Variants in GLI3 observed in about 807,000 individuals in gnomAD.
GLI3 encodes transcription activator GLI3.
GLI3 carries 20 observed loss-of-function variants against 100.8 expected under a neutral mutation model. The observed-to-expected ratio is 0.20, with a 90% CI of 0.14 to 0.29. The LOEUF is 0.29. Ranked by LOEUF, GLI3 falls within the 10% of genes least tolerant of loss-of-function variation. The pLI is 1.00. For missense variants in GLI3, 2,040 were observed against 2,128.5 expected, an observed-to-expected ratio of 0.96 and a Z score of 0.82; for synonymous variants, 938 against 860.5, an observed-to-expected ratio of 1.09 and a Z score of -1.58.
chr7:42,078,412 G>C (rs141857711), intron 3 of GLI3, among the ~76,000 whole-genome samples: 2 of 152,244 alleles, frequency 1.3e-5, no homozygotes, highest in East Asian at 3.9e-4. Flanking sequence ...AATCCAGTAA[G>C]AGTAAAAAAA....
At chr7:42,116,485 AAG>A (rs1785859546) in intron 3 of GLI3, among the ~76,000 whole-genome samples, 2 of 147,892 alleles carry the variant, frequency 1.4e-5, no homozygotes, top group African/African-American at 5.3e-5. Flanking sequence ...GATCTGCAAA[AAG>A]AAAAAAAAAA....
chr7:42,113,779 A>C (rs909290599), intron 3 of GLI3, among the ~76,000 whole-genome samples: 28 of 152,358 alleles, frequency 1.8e-4, no homozygotes, highest in African/African-American at 6.7e-4. Context: ...AGGACAGGAT[A>C]TATGTCCCTA....
At chr7:42,249,077 A>C (rs1363322373) in intron 1 of GLI3, among the ~76,000 whole-genome samples, 2 of 152,132 alleles carry the variant, frequency 1.3e-5, no homozygotes. Flanking sequence ...ATTTTAAGGG[A>C]CAAAAAAATT....
intron 10 of GLI3, among the ~76,000 whole-genome samples, chr7:42,000,120 G>A (rs1261340480): frequency 2.0e-5 from 3 of 152,150 alleles, no homozygotes; most frequent in African/African-American, 4.8e-5. Flanking sequence ...GAAGCACGGC[G>A]GGAACTTTCT....
rs116718819 is a variant in GLI3, at chr7:42,121,301, C to T, written c.367+26925G>A. ...CCCAAGAGTTTCTGATTCAGTAAGA[C>T]AGAGAAGGTGCACAAGAAGTGCCAT... is the stretch of plus-strand genomic sequence containing the variant. On this transcript the variant is annotated intron_variant, in intron 3 of 14. Transcript: ENST00000395925. 5.6e-3 allele frequency among the ~76,000 whole-genome samples: 854 copies of T among 152,306 alleles called. 4 individuals are homozygous for T. The highest frequency in any genetic ancestry group is 0.02 in the African/African-American group (812 of 41,560).
At chr7:42,191,711 G>A (rs1040766385) in intron 2 of GLI3, among the ~76,000 whole-genome samples, 3 of 151,804 alleles carry the variant, frequency 2.0e-5, no homozygotes, top group African/African-American at 7.3e-5. Context: ...CAGAAACAGT[G>A]TTAAGCCCTT....
chr7:42,026,175 G>A, intron 8 of GLI3, 24 bp downstream of exon 8: 1 of 1,567,132 alleles, frequency 6.4e-7, no homozygotes, highest in Non-Finnish European at 8.8e-7. Flanking sequence ...AGCACGGCCG[G>A]GTGCATCGAC....
chr7:42,169,606 C>T (rs1787319884), intron 2 of GLI3, among the ~76,000 whole-genome samples: 4 of 152,130 alleles, frequency 2.6e-5, no homozygotes, highest in South Asian at 2.1e-4. Flanking sequence ...CCTCCCCTTG[C>T]TGGGTACATA....
chr7:41,990,045 AAGGT>A (rs1787939774), intron 10 of GLI3, among the ~76,000 whole-genome samples: 1 of 150,916 alleles, frequency 6.6e-6, no homozygotes, highest in South Asian at 2.1e-4. Context: ...AAAACTTTGA[AAGGT>A]AGGACGAATA....
At chr7:42,213,910 G>C (rs199643748) in intron 2 of GLI3, among the ~76,000 whole-genome samples, 2 of 152,254 alleles carry the variant, frequency 1.3e-5, no homozygotes, top group Admixed American at 1.3e-4. Context: ...GCTTTCAGCC[G>C]GGCAGGGCTG....
At chr7:42,204,368 ACTC>A (rs1446341084) in intron 2 of GLI3, among the ~76,000 whole-genome samples, 1 of 150,122 alleles carries the variant, frequency 6.7e-6, no homozygotes, top group Non-Finnish European at 1.5e-5. Flanking sequence ...CCCAGTTCCC[ACTC>A]CTGTCTTCCC....
intron 7 of GLI3, among the ~76,000 whole-genome samples, chr7:42,032,469 G>T (rs1353120936): frequency 6.6e-6 from 1 of 152,002 alleles, no homozygotes; most frequent in Non-Finnish European, 1.5e-5. Flanking sequence ...AGTTCATATT[G>T]TAGAAAATCA....
intron 10 of GLI3, among the ~76,000 whole-genome samples, chr7:41,998,431 C>G (rs999287055): frequency 1.3e-5 from 2 of 152,154 alleles, no homozygotes; most frequent in South Asian, 2.1e-4. Context: ...TGGCAGGACA[C>G]GGGATATGTC....
chr7:42,048,255 C>A (rs963364525), intron 5 of GLI3, among the ~76,000 whole-genome samples: 1 of 152,092 alleles, frequency 6.6e-6, no homozygotes, highest in Admixed American at 6.5e-5. Context: ...GGATTGACTG[C>A]GTTGCAAGTA....
In GLI3 at chr7:42,053,316, T is replaced by G. The variant is rs575941966; in HGVS notation, c.474-4620A>C. Among the ~76,000 whole-genome samples, 56 of 152,308 alleles carry G rather than the reference T, an allele frequency of 3.7e-4. No individual in the cohort carries two copies. In the South Asian group the frequency reaches 0.012, roughly 32 times the overall value. ...CCGGCCCAATTATTGTGTTTTTAAC[T>G]GGAAAGCAAATCTGGGAGAGAAGGT... On this transcript the variant is annotated intron_variant, in intron 4 of 14. Transcript: ENST00000395925.
chr7:42,233,733 C>A (rs1359482625), intron 1 of GLI3, among the ~76,000 whole-genome samples: 2 of 152,182 alleles, frequency 1.3e-5, no homozygotes, highest in East Asian at 3.9e-4. Flanking sequence ...TTTATTCTGT[C>A]TCCCTTTATT....
rs544523758 is a variant in GLI3 at position 42,187,855 on chromosome 7, T to C, written c.124+35275A>G. Among the ~76,000 whole-genome samples, 4 of 151,666 alleles carry C rather than the reference T, an allele frequency of 2.6e-5. No individual in the cohort carries two copies. The East Asian group carries it at 7.8e-4, about 30-fold the overall frequency. ...CCGTCTCTACTAAAAACACAAAAAT[T>C]AGCTGGGCGTGGTGACAGGCACCTG... is the stretch of plus-strand genomic sequence containing the variant. On this transcript the variant is annotated intron_variant, in intron 2 of 14. Coordinates refer to ENST00000395925, the MANE Select transcript of GLI3 (RefSeq NM_000168.6).
At chr7:42,253,551 A>G (rs766235262) in intron 1 of GLI3, among the ~76,000 whole-genome samples, 8 of 152,208 alleles carry the variant, frequency 5.3e-5, no homozygotes, top group Admixed American at 2.0e-4. Flanking sequence ...TGGCTCACCA[A>G]TTGGGAACTT....
At chr7:42,211,323 T>C (rs766155771) in intron 2 of GLI3, among the ~76,000 whole-genome samples, 24 of 152,232 alleles carry the variant, frequency 1.6e-4, no homozygotes, top group Non-Finnish European at 2.6e-4. Flanking sequence ...AAACTCTATT[T>C]ATAAAACATT....
Sources: gnomAD v4.1 joint callset for allele counts (sites outside exome capture counted in the v4.1 genomes callset) on GRCh38, gnomAD v4.1.1 for gene constraint, MANE v1.5 for transcripts, NCBI Gene and HGNC (gene_info 2026-07-23, HGNC 2026-07-21) for gene names.